Variants in PCDH11X observed in about 807,000 individuals in gnomAD.
PCDH11X encodes the protein protocadherin 11 X-linked.
In PCDH11X, 18 loss-of-function variants were observed where a neutral mutation model predicts 53.3. That is an observed-to-expected ratio of 0.34 (90% confidence interval 0.23 to 0.50). The LOEUF is 0.50. PCDH11X is among the 20% of genes least tolerant of loss of function. The pLI, the probability that PCDH11X is intolerant of heterozygous loss-of-function variation, is 0.98. For missense variants in PCDH11X, 570 were observed against 1,032.4 expected, an observed-to-expected ratio of 0.55 and a Z score of 6.14; for synonymous variants, 279 against 393.3, an observed-to-expected ratio of 0.71 and a Z score of 3.44.
rs779390296 is a variant in PCDH11X at position 92,547,890 on chromosome X, C to CTA, written c.3368-70363_3368-70362dup. ...GGACTACTGGTGGGCGCCATCATGGCTATATATATATACAAGAATTTTAAC... is the reference window on the plus strand; with the variant it reads ...GGACTACTGGTGGGCGCCATCATGGCTATATATATATATACAAGAATTTTAAC... On this transcript the variant is annotated intron_variant, in intron 10 of 10. Transcript: ENST00000682573. 1.7e-3 allele frequency among the ~76,000 whole-genome samples: 181 copies of CTA among 108,924 alleles called. 1 individual carries two copies. Among genetic ancestry groups the CTA allele is most frequent in the African/African-American group, 5.6e-3 (167 of 29,944 alleles). The allele number at this position is 108,924 out of a possible 115,157, so 94.6% of individuals were successfully genotyped here.
At chrX:92,575,782 T>A (rs1194189916) in intron 10 of PCDH11X, among the ~76,000 whole-genome samples, 1 of 104,312 alleles carries the variant, frequency 9.6e-6, no homozygotes, top group Non-Finnish European at 2.0e-5. Context: ...GGGTCTGATC[T>A]GTTTTGTTGT....
At chrX:92,213,841 A>G (rs936954922) in intron 7 of PCDH11X, among the ~76,000 whole-genome samples, 3 of 112,265 alleles carry the variant, frequency 2.7e-5, no homozygotes, top group African/African-American at 6.5e-5. Flanking sequence ...TTTAAGCACT[A>G]TTCAACATAA....
At chrX:92,594,354 T>C (rs1037067503) in intron 10 of PCDH11X, among the ~76,000 whole-genome samples, 4 of 111,383 alleles carry the variant, frequency 3.6e-5, no homozygotes, top group Non-Finnish European at 7.5e-5. Context: ...TATATTTGGC[T>C]TATTTGGTAT....
chrX:91,824,721 G>A (rs1021379886), intron 4 of PCDH11X, among the ~76,000 whole-genome samples: 14 of 108,352 alleles, frequency 1.3e-4, no homozygotes, highest in African/African-American at 4.7e-4. Flanking sequence ...CTGGTGAAGA[G>A]CTGTGTTCTT....
At chrX:92,253,208 C>T (rs1246544753) in intron 7 of PCDH11X, among the ~76,000 whole-genome samples, 1 of 111,254 alleles carries the variant, frequency 9.0e-6, no homozygotes, top group African/African-American at 3.3e-5. Context: ...TGTTTTTTCC[C>T]CAGTATTTGT....
intron 6 of PCDH11X, among the ~76,000 whole-genome samples, chrX:91,920,491 CTT>C (rs1350149253): frequency 9.1e-6 from 1 of 109,858 alleles, no homozygotes; most frequent in African/African-American, 3.3e-5. Context: ...TTGCTTTCAA[CTT>C]TGAAAGAAGG....
intron 4 of PCDH11X, among the ~76,000 whole-genome samples, chrX:91,820,832 C>G (rs1316514513): frequency 9.8e-6 from 1 of 101,632 alleles, no homozygotes; most frequent in Non-Finnish European, 1.9e-5. Context: ...TTTAATCCAT[C>G]TTGAATTGAT....
intron 6 of PCDH11X, among the ~76,000 whole-genome samples, chrX:91,953,788 A>G (rs2061673303): frequency 9.1e-6 from 1 of 109,889 alleles, no homozygotes; most frequent in Non-Finnish European, 1.9e-5. Flanking sequence ...AGTGAGGTCT[A>G]GAAGTCAGAG....
intron 10 of PCDH11X, among the ~76,000 whole-genome samples, chrX:92,493,876 A>G (rs1255332666): frequency 9.2e-6 from 1 of 108,973 alleles, no homozygotes; most frequent in Non-Finnish European, 1.9e-5. Context: ...CAAACTCCTG[A>G]GCTCAGGCAA....
At chrX:92,122,066 C>T (rs1475438063) in intron 6 of PCDH11X, among the ~76,000 whole-genome samples, 1 of 104,400 alleles carries the variant, frequency 9.6e-6, no homozygotes. Context: ...CTAACTGCAA[C>T]CTCCACCTCC....
chrX:91,850,162 T>G (rs376053259), intron 5 of PCDH11X, among the ~76,000 whole-genome samples: 1 of 111,257 alleles, frequency 9.0e-6, no homozygotes, highest in African/African-American at 3.3e-5. Flanking sequence ...AGGAGCAGCA[T>G]CTGTTACTCT....
At chrX:92,347,803 A>C (rs1292522721) in intron 8 of PCDH11X, among the ~76,000 whole-genome samples, 1 of 112,111 alleles carries the variant, frequency 8.9e-6, no homozygotes, top group Non-Finnish European at 1.9e-5. Context: ...TATACATAGT[A>C]GATTCCACAG....
intron 6 of PCDH11X, among the ~76,000 whole-genome samples, chrX:92,109,026 G>A (rs2064445815): frequency 9.0e-6 from 1 of 111,375 alleles, no homozygotes; most frequent in Non-Finnish European, 1.9e-5. Context: ...GGAGACTGGA[G>A]TTTTATTATT....
intron 6 of PCDH11X, among the ~76,000 whole-genome samples, chrX:91,961,427 A>C (rs2061786286): frequency 9.0e-6 from 1 of 111,499 alleles, no homozygotes. Flanking sequence ...CCTGCTAGTC[A>C]ACATAGTACT....
chrX:92,102,590 AT>A (rs2148138912), intron 6 of PCDH11X, among the ~76,000 whole-genome samples: 1 of 112,003 alleles, frequency 8.9e-6, no homozygotes, highest in East Asian at 2.8e-4. Flanking sequence ...GACTGAAGTA[AT>A]GGGGGCTGTC....
At chrX:92,073,929 A>G (rs1434179599) in intron 6 of PCDH11X, among the ~76,000 whole-genome samples, 3 of 112,253 alleles carry the variant, frequency 2.7e-5, no homozygotes, top group Non-Finnish European at 5.6e-5. Context: ...GTGTAGGACA[A>G]TGTCAAGGTG....
intron 8 of PCDH11X, among the ~76,000 whole-genome samples, chrX:92,296,105 A>C (rs1480695530): frequency 2.7e-5 from 3 of 109,138 alleles, no homozygotes; most frequent in Non-Finnish European, 5.7e-5. Flanking sequence ...AATCATGTGC[A>C]TTTTGTTTCT....
At chrX:92,170,122 C>A (rs1348496122) in intron 6 of PCDH11X, among the ~76,000 whole-genome samples, 2 of 110,887 alleles carry the variant, frequency 1.8e-5, no homozygotes, top group African/African-American at 6.5e-5. Context: ...CTCTATTTTT[C>A]ATTACCATAA....
intron 6 of PCDH11X, among the ~76,000 whole-genome samples, chrX:92,039,178 A>T (rs2063173486): frequency 9.0e-6 from 1 of 110,536 alleles, no homozygotes; most frequent in Non-Finnish European, 1.9e-5. Flanking sequence ...CCAGCACAGC[A>T]CTGGGTCTCA....
Sources: gnomAD v4.1 joint callset for allele counts (sites outside exome capture counted in the v4.1 genomes callset) on GRCh38, gnomAD v4.1.1 for gene constraint, MANE v1.5 for transcripts, NCBI Gene and HGNC (gene_info 2026-07-23, HGNC 2026-07-21) for gene names.